The following LYPD6B variants were observed in gnomAD, a reference collection of about 807,000 sequenced individuals.
LYPD6B encodes the protein ly6/PLAUR domain-containing protein 6B.
LYPD6B carries 17 observed loss-of-function variants against 22.8 expected under a neutral mutation model. The observed-to-expected ratio is 0.75, with a 90% CI of 0.51 to 1.12. The LOEUF (loss-of-function observed/expected upper bound fraction) is 1.12. Among genes scored for constraint, LYPD6B ranks in the 50% most tolerant of loss-of-function variants. LYPD6B has a pLI of 0.00. For synonymous variants in LYPD6B, 106 were observed against 91.6 expected, an observed-to-expected ratio of 1.16 and a Z score of -0.90; for missense variants, 221 against 258.3, an observed-to-expected ratio of 0.86 and a Z score of 0.99.
At chr2:149,072,931 G>A (rs948570803) in intron 1 of LYPD6B, among the ~76,000 whole-genome samples, 3 of 152,164 alleles carry the variant, frequency 2.0e-5, no homozygotes, top group Non-Finnish European at 2.9e-5. Flanking sequence ...AGGTACTTAT[G>A]GGGAGAGATT....
chr2:149,052,271 G>T (rs1332596271), intron 1 of LYPD6B, among the ~76,000 whole-genome samples: 2 of 152,058 alleles, frequency 1.3e-5, no homozygotes, highest in African/African-American at 4.8e-5. Context: ...TGGCCAGGAT[G>T]GTCTCGATCT....
intron 1 of LYPD6B, among the ~76,000 whole-genome samples, chr2:149,069,387 G>C (rs16826443): frequency 0.4 from 61,264 of 152,002 alleles, 13,410 homozygotes; most frequent in Middle Eastern, 0.61. Context: ...ACAGCAGAGT[G>C]ACTGCGGTGG....
Position 149,147,046 on chromosome 2 carries a change from T to A in LYPD6B, c.6-13718T>A, listed in dbSNP as rs1261369458. On this transcript the variant is annotated intron_variant, in intron 2 of 6. Transcript: ENST00000409642. Reference sequence around the variant, plus strand: ...CAGGTGAAGGGCTCCTCCCACACAGTCTAAGACTCCAGGGCGGAGAAGCAC... The same window carrying A: ...CAGGTGAAGGGCTCCTCCCACACAGACTAAGACTCCAGGGCGGAGAAGCAC... Among the ~76,000 whole-genome samples, 3 of 151,990 alleles carry A rather than the reference T, an allele frequency of 2.0e-5. No homozygotes were observed. The East Asian group carries it at 5.8e-4, about 29-fold the overall frequency.
chr2:149,166,669 A>C (rs1038151214), intron 3 of LYPD6B, among the ~76,000 whole-genome samples: 2 of 152,156 alleles, frequency 1.3e-5, no homozygotes, highest in Non-Finnish European at 2.9e-5. Context: ...TCATCGTCTT[A>C]TGTGGGCTCA....
At chr2:149,152,711 A>G (rs955755172) in intron 2 of LYPD6B, among the ~76,000 whole-genome samples, 2 of 152,106 alleles carry the variant, frequency 1.3e-5, no homozygotes, top group African/African-American at 4.8e-5. Context: ...CACTGGTGGG[A>G]GTGTCATTCA....
At chr2:149,131,267 G>T in intron 2 of LYPD6B, 2 of 313,364 alleles carry the variant, frequency 6.4e-6, no homozygotes, top group Non-Finnish European at 1.2e-5. Context: ...TTATGTTATA[G>T]GTTCCTTAAG....
chr2:149,123,462 C>T (rs777108945), intron 1 of LYPD6B, among the ~76,000 whole-genome samples: 1 of 151,924 alleles, frequency 6.6e-6, no homozygotes, highest in South Asian at 2.1e-4. Context: ...AAGATCTGTA[C>T]GTAACTAAAG....
chr2:149,147,506 TTTTG>T (rs970276349), intron 2 of LYPD6B, among the ~76,000 whole-genome samples: 67 of 152,110 alleles, frequency 4.4e-4, no homozygotes, highest in African/African-American at 7.9e-4. Flanking sequence ...TTTTTTTGTT[TTTTG>T]TTTGTTTGTT....
intron 3 of LYPD6B, among the ~76,000 whole-genome samples, chr2:149,172,211 C>T (rs566813134): frequency 6.6e-6 from 1 of 152,224 alleles, no homozygotes; most frequent in East Asian, 1.9e-4. Context: ...CTTATTAGAC[C>T]GTATGAGAAT....
intron 2 of LYPD6B, among the ~76,000 whole-genome samples, chr2:149,133,657 T>C (rs528938922): frequency 2.0e-4 from 31 of 152,216 alleles, no homozygotes; most frequent in Non-Finnish European, 4.3e-4. Context: ...GCAGAACTTC[T>C]TGGCACTTGC....
At chr2:149,117,502 C>G (rs1687066472) in intron 1 of LYPD6B, among the ~76,000 whole-genome samples, 1 of 152,112 alleles carries the variant, frequency 6.6e-6, no homozygotes, top group South Asian at 2.1e-4. Flanking sequence ...AACTCTGGAT[C>G]TCAAGTGATC....
intron 1 of LYPD6B, among the ~76,000 whole-genome samples, chr2:149,128,931 A>T (rs1273801654): frequency 2.0e-5 from 3 of 152,220 alleles, no homozygotes; most frequent in Non-Finnish European, 4.4e-5. Context: ...GATGAGAATT[A>T]TGTAGGCCAT....
At chr2:149,167,052 G>A (rs1029734951) in intron 3 of LYPD6B, among the ~76,000 whole-genome samples, 5 of 150,650 alleles carry the variant, frequency 3.3e-5, no homozygotes, top group Admixed American at 6.6e-5. Flanking sequence ...TCTGCATTAA[G>A]TGTTTTTTTT....
intron 3 of LYPD6B, among the ~76,000 whole-genome samples, chr2:149,190,543 T>A (rs773303089): frequency 1.4e-4 from 22 of 152,328 alleles, no homozygotes; most frequent in Non-Finnish European, 2.8e-4. Flanking sequence ...GAAAATTTCC[T>A]GTGGTCTTCT....
intron 1 of LYPD6B, among the ~76,000 whole-genome samples, chr2:149,087,553 G>A (rs1410255313): frequency 6.6e-6 from 1 of 151,980 alleles, no homozygotes; most frequent in Non-Finnish European, 1.5e-5. Flanking sequence ...GCAACAGAGT[G>A]TGACTGTCTA....
rs145221725 is a variant in LYPD6B at position 149,126,180 on chromosome 2, G to A, written c.-66-4703G>A. On this transcript the variant is annotated intron_variant, in intron 1 of 6. Coordinates refer to ENST00000409642, the MANE Select transcript of LYPD6B (RefSeq NM_177964.5). Reference sequence around the variant, plus strand: ...AGTCTAATTGCTGACCTCTTTTCTGGCTGCCTTCATAATATTGTGGTTGCT... The same window carrying A: ...AGTCTAATTGCTGACCTCTTTTCTGACTGCCTTCATAATATTGTGGTTGCT... 3.2e-3 allele frequency among the ~76,000 whole-genome samples: 481 copies of A among 152,192 alleles called. 3 individuals are homozygous for A. The highest frequency in any genetic ancestry group is 0.011 in the African/African-American group (468 of 41,528).
In LYPD6B at chr2:149,145,685, G is replaced by A. The variant is rs143418523; in HGVS notation, c.5+14732G>A. Among the ~76,000 whole-genome samples the A allele has an allele frequency of 3.7e-3, 561 of 152,280 alleles. 3 individuals are homozygous for A. The highest frequency in any genetic ancestry group is 0.013 in the African/African-American group (539 of 41,536). The stretch of plus-strand genomic sequence containing the variant: ...ACATCAGCAAAATTTTGTCCTATGA[G>A]CAGCTAATACTACTTCACTTGAAGT... On this transcript the variant is annotated intron_variant, in intron 2 of 6. Transcript: ENST00000409642.
intron 1 of LYPD6B, among the ~76,000 whole-genome samples, chr2:149,052,447 T>C (rs1024205069): frequency 2.6e-4 from 40 of 152,332 alleles, no homozygotes; most frequent in African/African-American, 9.1e-4. Context: ...TGAAAGCTAC[T>C]ATAAATCTGG....
At chr2:149,204,900 T>C (rs147880975) in intron 3 of LYPD6B, 295 of 186,424 alleles carry the variant, frequency 1.6e-3, no homozygotes, top group Non-Finnish European at 2.6e-3. Flanking sequence ...AGAACCACGG[T>C]TGATTTGAGA....
Sources: gnomAD v4.1 joint callset for allele counts (sites outside exome capture counted in the v4.1 genomes callset) on GRCh38, gnomAD v4.1.1 for gene constraint, MANE v1.5 for transcripts, NCBI Gene and HGNC (gene_info 2026-07-23, HGNC 2026-07-21) for gene names.